The following SS18L2 variants were observed in gnomAD, a reference collection of about 807,000 sequenced individuals.
SS18L2 encodes SS18 like 2, also known as SS18-like protein 2.
SS18L2 carries 8 observed loss-of-function variants against 10.3 expected under a neutral mutation model. The observed-to-expected ratio is 0.78, with a 90% CI of 0.46 to 1.41. The LOEUF (loss-of-function observed/expected upper bound fraction) is 1.41, where lower values mean the gene tolerates loss of function less well. SS18L2 is among the 40% of genes most tolerant of loss of function. The pLI is 0.00. For missense variants in SS18L2, 100 were observed against 96.2 expected (o/e 1.04, Z -0.17); for synonymous variants, 41 against 34.6 (o/e 1.19, Z -0.65).
At chr3:42,592,198 C>A (rs1425146576) in intron 2 of SS18L2, among the ~76,000 whole-genome samples, 1 of 151,716 alleles carries the variant, frequency 6.6e-6, no homozygotes, top group South Asian at 2.1e-4. Flanking sequence ...CCATTTTTTT[C>A]TTTTCTTTTT....
upstream of SS18L2, chr3:42,590,803 C>T (rs1480243900): frequency 1.6e-6 from 2 of 1,271,158 alleles, no homozygotes; most frequent in Non-Finnish European, 2.3e-6. Context: ...GTACCCCGCC[C>T]TGTAGGCGGG....
At chr3:42,593,183 C>T (rs956551143) in intron 2 of SS18L2, among the ~76,000 whole-genome samples, 4 of 152,082 alleles carry the variant, frequency 2.6e-5, no homozygotes, top group East Asian at 1.9e-4. Context: ...GAGGCTGAGG[C>T]GGGCAGATCA....
chr3:42,591,319 C>T (rs1704829942), intron 1 of SS18L2: 1 of 598,628 alleles, frequency 1.7e-6, no homozygotes, highest in Non-Finnish European at 3.0e-6. Flanking sequence ...CTGCCTCAGC[C>T]TCCTGAGTAG....
chr3:42,582,080 C>G (rs376037362), intron 1 of SS18L2: 1 of 152,272 alleles, frequency 6.6e-6, no homozygotes, highest in African/African-American at 2.4e-5. Context: ...CCACAGCCCC[C>G]GTCCCGGCGA....
intron 2 of SS18L2, among the ~76,000 whole-genome samples, chr3:42,593,430 AT>A (rs1274631632): frequency 1.3e-5 from 2 of 152,192 alleles, no homozygotes. Context: ...AAATAAATAA[AT>A]TAAAGTATAT....
chr3:42,596,249 C>T lies in SS18L2; in HGVS notation c.*1740C>T, dbSNP rs181338108. Among the ~76,000 whole-genome samples, 665 of 152,150 alleles carry T rather than the reference C, an allele frequency of 4.4e-3. 4 individuals carry two copies. Among genetic ancestry groups the T allele is most frequent in the African/African-American group, 0.015 (628 of 41,526 alleles). ...GTTGGTCAGGCTGGTCTCGTACTCA[C>T]GACCTCAGGTGATCCACCTGCCTCA... On this transcript the variant is annotated 3_prime_UTR_variant, in exon 3 of 3. Transcript: ENST00000011691.
chr3:42,591,688 G>C, intron 2 of SS18L2, 87 bp downstream of exon 2: 1 of 947,542 alleles, frequency 1.1e-6, no homozygotes. Flanking sequence ...AGAGTCTTGG[G>C]TGATTGATCG....
At position 42,596,781 on chromosome 3, in the gene SS18L2, G is replaced by T. The variant is rs1197761843; in HGVS notation, c.*2272G>T. ...CTCATTTATTTTACAGATGAAGAAA[G>T]TAAACTTCAGAGAGATCAAAGTGAT... On this transcript the variant is annotated 3_prime_UTR_variant, in exon 3 of 3. Coordinates refer to ENST00000011691, the MANE Select transcript of SS18L2 (RefSeq NM_001370300.1). Among the ~76,000 whole-genome samples, 1 of 152,222 alleles carries T rather than the reference G, an allele frequency of 6.6e-6. No homozygotes were observed. The highest frequency in any genetic ancestry group is 2.4e-5 in the African/African-American group (1 of 41,458).
chr3:42,591,566 G>T lies in SS18L2; in HGVS notation c.111G>T (p.Glu37Asp). 1.2e-6 allele frequency: 2 copies of T among 1,614,082 alleles called. No homozygotes were observed. Among genetic ancestry groups the T allele is most frequent in the Non-Finnish European group, 1.7e-6 (2 of 1,179,938 alleles). The change falls in exon 2 of 3, where the codon GAG becomes GAT. Residue 37 changes from glutamate (E) to aspartate (D), a missense_variant. By Grantham distance (45) the Glu-to-Asp change is conservative. Coordinates refer to ENST00000011691, the MANE Select transcript of SS18L2 (RefSeq NM_001370300.1). Reference protein sequence around the residue: ...ENDQLIRCIVEYQNKGRGNEC... With the variant: ...ENDQLIRCIVDYQNKGRGNEC... ...ACCAGCTGATCCGCTGTATTGTGGA[G>T]TATCAGAACAAGGGCCGCGGGAACG...
chr3:42,590,765 G>A, upstream of SS18L2: 2 of 921,748 alleles, frequency 2.2e-6, no homozygotes, highest in Non-Finnish European at 3.6e-6. Flanking sequence ...TAGCTCTTGC[G>A]CGTCCAGTCA....
upstream of SS18L2, among the ~76,000 whole-genome samples, chr3:42,586,433 G>C (rs1302047543): frequency 6.6e-6 from 1 of 152,204 alleles, no homozygotes; most frequent in East Asian, 1.9e-4. Flanking sequence ...ATGTTAGCCA[G>C]GCTGGTCTCA....
At chr3:42,586,234 T>G (rs956524239), upstream of SS18L2, among the ~76,000 whole-genome samples, 12 of 152,144 alleles carry the variant, frequency 7.9e-5, no homozygotes, top group African/African-American at 2.7e-4. Flanking sequence ...GTTCTTTTGT[T>G]GTTGTTGTTG....
chr3:42,589,077 A>G (rs1704718204), upstream of SS18L2, among the ~76,000 whole-genome samples: 1 of 151,994 alleles, frequency 6.6e-6, no homozygotes, highest in African/African-American at 2.4e-5. Context: ...AGCCTGACCA[A>G]TATGGTGAAA....
chr3:42,582,248 C>T (rs1393266685), intron 1 of SS18L2: 1 of 152,276 alleles, frequency 6.6e-6, no homozygotes, highest in Non-Finnish European at 1.5e-5. Context: ...GAGAAGGAGC[C>T]TTCGTGATCT....
At chr3:42,592,452 G>A (rs572739145) in intron 2 of SS18L2, among the ~76,000 whole-genome samples, 2 of 152,050 alleles carry the variant, frequency 1.3e-5, no homozygotes, top group Non-Finnish European at 2.9e-5. Context: ...CACCCACCTC[G>A]ACCTCCCAAA....
intron 1 of SS18L2, among the ~76,000 whole-genome samples, chr3:42,584,316 A>G (rs925421061): frequency 6.6e-5 from 10 of 152,176 alleles, no homozygotes; most frequent in African/African-American, 2.2e-4. Flanking sequence ...GTTTAGTGGC[A>G]CAATCTCGGC....
At chr3:42,582,211 A>C (rs1704430581) in intron 1 of SS18L2, 2 of 152,238 alleles carry the variant, frequency 1.3e-5, no homozygotes, top group African/African-American at 4.8e-5. Context: ...TTTGAGATCC[A>C]AGCCTGTAAT....
chr3:42,589,961 GGTT>G (rs769104319), upstream of SS18L2, among the ~76,000 whole-genome samples: 1 of 152,166 alleles, frequency 6.6e-6, no homozygotes, highest in Non-Finnish European at 1.5e-5. Flanking sequence ...GGCAGTCCCG[GGTT>G]GTTAAGGGTG....
At chr3:42,588,132 G>A (rs979613753), upstream of SS18L2, among the ~76,000 whole-genome samples, 11 of 151,618 alleles carry the variant, frequency 7.3e-5, no homozygotes, top group South Asian at 6.2e-4. Context: ...GGCCAGGCAC[G>A]GTGGCTCACG....
Sources: gnomAD v4.1 joint callset for allele counts (sites outside exome capture counted in the v4.1 genomes callset) on GRCh38, gnomAD v4.1.1 for gene constraint, MANE v1.5 for transcripts, NCBI Gene and HGNC (gene_info 2026-07-23, HGNC 2026-07-21) for gene names.